The following RNF24 variants were observed in gnomAD, a reference collection of about 807,000 sequenced individuals.
RNF24 encodes the protein ring finger protein 24.
RNF24 carries 14 observed loss-of-function variants against 20.0 expected under a neutral mutation model. The ratio of observed to expected loss-of-function variants is 0.70; its 90% CI spans 0.46 to 1.10. The LOEUF (loss-of-function observed/expected upper bound fraction) is 1.10. RNF24 is among the 50% of genes least tolerant of loss of function. The pLI is 0.00. For missense variants in RNF24, 124 were observed against 177.6 expected (o/e 0.70, Z 1.71); for synonymous variants, 45 against 61.1 (o/e 0.74, Z 1.23).
chr20:4,008,856 A>ATAT (rs1262904292), intron 1 of RNF24, among the ~76,000 whole-genome samples: 4 of 152,068 alleles, frequency 2.6e-5, no homozygotes, highest in Admixed American at 1.3e-4. Context: ...AAGACTGCCA[A>ATAT]TATTAAGTCA....
intron 1 of RNF24, among the ~76,000 whole-genome samples, chr20:3,999,051 G>C (rs1981164066): frequency 6.6e-6 from 1 of 152,188 alleles, no homozygotes; most frequent in South Asian, 2.1e-4. Context: ...CTGCACTCAG[G>C]CCTGGGTGAC....
At chr20:3,945,357 A>G in intron 3 of RNF24, 139 bp from the exon 4 acceptor site, 1 of 863,250 alleles carries the variant, frequency 1.2e-6, no homozygotes, top group Non-Finnish European at 1.7e-6. Flanking sequence ...TTTCTTTTAC[A>G]GTTTGAGACA....
At chr20:3,999,349 A>G (rs1981185872) in intron 1 of RNF24, among the ~76,000 whole-genome samples, 4 of 152,204 alleles carry the variant, frequency 2.6e-5, no homozygotes. Flanking sequence ...TCTTTTCCAC[A>G]TTCTACACTA....
chr20:3,934,978 C>G lies in RNF24; in HGVS notation c.308+16G>C, dbSNP rs1177004508. On this transcript the variant is annotated intron_variant, in intron 5 of 5. Transcript: ENST00000358395. This position sits in a 1 kb window ranked among gnomAD's most constrained non-coding sequence, Gnocchi z 4.0. ...CAAACTCGGGTCCCATTAAGTAATT[C>G]CATACCAATACTTACTTTCTGTGGA... The G allele has an allele frequency of 1.9e-6, 3 of 1,608,624 alleles. No homozygotes were observed. Among genetic ancestry groups the G allele is most frequent in the Non-Finnish European group, 2.6e-6 (3 of 1,175,092 alleles).
chr20:3,981,139 C>T (rs1050092442), intron 1 of RNF24, among the ~76,000 whole-genome samples: 1 of 151,888 alleles, frequency 6.6e-6, no homozygotes, highest in East Asian at 1.9e-4. Flanking sequence ...TTATTTTTCT[C>T]AACGTAAATA....
intron 2 of RNF24, among the ~76,000 whole-genome samples, chr20:3,956,112 T>G (rs2091139432): frequency 6.6e-6 from 1 of 152,176 alleles, no homozygotes; most frequent in Non-Finnish European, 1.5e-5. Context: ...GTTAGATGCC[T>G]TCTATTTCTT....
rs1384709254 is a variant in RNF24 at position 3,933,351 on chromosome 20, A to G, written c.*712T>C. On this transcript the variant is annotated 3_prime_UTR_variant, in exon 6 of 6. Coordinates refer to ENST00000358395, the MANE Select transcript of RNF24 (RefSeq NM_001134337.3). The stretch of plus-strand genomic sequence containing the variant: ...GATCACTCAGGGACAGTGTGGACTC[A>G]GGGCCCACTCCCTGCTGGGGCTCTG... The G allele has an allele frequency of 1.5e-5, 6 of 397,060 alleles. No homozygotes were observed. Among genetic ancestry groups the G allele is most frequent in the Non-Finnish European group, 2.2e-5 (5 of 225,750 alleles). 24.6% of individuals were successfully genotyped at this position (397,060 alleles called of 1,614,324 possible).
At chr20:3,970,966 G>T (rs6076576) in intron 1 of RNF24, among the ~76,000 whole-genome samples, 17,946 of 152,148 alleles carry the variant, frequency 0.12, 1,307 homozygotes, top group South Asian at 0.24. Flanking sequence ...GTACATAAGT[G>T]TACAGATTTA....
rs6052233 is a variant in RNF24 at position 4,008,453 on chromosome 20, A to T, written c.-8+6984T>A. Reference sequence around the variant, plus strand: ...ATATATAATATGTATAATATATATAATATATAATATATAATATGTATAATA... The same window carrying T: ...ATATATAATATGTATAATATATATATTATATAATATATAATATGTATAATA... On this transcript the variant is annotated intron_variant, in intron 1 of 5. Transcript: ENST00000358395. Among the ~76,000 whole-genome samples the T allele has an allele frequency of 4.8e-3, 33 of 6,938 alleles. No individual in the cohort carries two copies. In the South Asian group the frequency reaches 0.12, roughly 25 times the overall value. The allele number at this position is 6,938 out of a possible 152,430, so 4.6% of individuals were successfully genotyped here.
intron 3 of RNF24, among the ~76,000 whole-genome samples, chr20:3,947,231 T>A (rs533220062): frequency 1.3e-5 from 2 of 152,314 alleles, no homozygotes; most frequent in African/African-American, 4.8e-5. Context: ...TCTGAAGTGT[T>A]ACAGTTCCAT....
chr20:3,941,654 A>C (rs1298666860), intron 4 of RNF24, among the ~76,000 whole-genome samples: 2 of 152,248 alleles, frequency 1.3e-5, no homozygotes, highest in African/African-American at 4.8e-5. Context: ...CAGCAATTGC[A>C]CTGAATGTAA....
chr20:3,970,936 C>A (rs1051106807), intron 1 of RNF24, among the ~76,000 whole-genome samples: 3 of 152,252 alleles, frequency 2.0e-5, no homozygotes, highest in South Asian at 4.1e-4. Flanking sequence ...ATCCCAGCTA[C>A]TCGGCAAGCT....
In RNF24 at chr20:3,962,928, C is replaced by T. The variant is rs141836470; in HGVS notation, c.143+947G>A. Among the ~76,000 whole-genome samples the T allele has an allele frequency of 2.8e-3, 426 of 151,864 alleles. 1 individual carries two copies. Among genetic ancestry groups the T allele is most frequent in the Non-Finnish European group, 4.9e-3 (333 of 67,954 alleles). On this transcript the variant is annotated intron_variant, in intron 2 of 5. Coordinates refer to ENST00000358395, the MANE Select transcript of RNF24 (RefSeq NM_001134337.3). ...GTTGGCCAGGCTGGTCTCGAACTCC[C>T]GACCTCAGGTAATCCGCCCACCTCA... is the stretch of plus-strand genomic sequence containing the variant.
At position 3,930,601 on chromosome 20, in the gene RNF24, A is replaced by G. The variant is rs1568604590; in HGVS notation, c.*3462T>C. ...GTGAGTGACAAGAGGTGATTCCATC[A>G]CTCTCTGCCTGGAGCTCTGGGTATA... On this transcript the variant is annotated 3_prime_UTR_variant, in exon 6 of 6. Transcript: ENST00000358395. The G allele has an allele frequency of 6.6e-6, 1 of 151,984 alleles. No homozygotes were observed. The highest frequency in any genetic ancestry group is 1.9e-4 in the East Asian group (1 of 5,190). The allele number at this position is 151,984 out of a possible 1,614,324, so 9.4% of individuals were successfully genotyped here. A position where few individuals can be genotyped will look rare whatever the true frequency, so the allele number is the denominator to read the frequency against.
chr20:3,986,227 T>G (rs1397754309), intron 1 of RNF24, among the ~76,000 whole-genome samples: 1 of 152,042 alleles, frequency 6.6e-6, no homozygotes, highest in Admixed American at 6.6e-5. Flanking sequence ...TTCCTTCCCT[T>G]TCCTCCTTCC....
chr20:3,998,060 T>C (rs1276739524), intron 1 of RNF24, among the ~76,000 whole-genome samples: 1 of 152,206 alleles, frequency 6.6e-6, no homozygotes, highest in African/African-American at 2.4e-5. Context: ...AAGTATCCTG[T>C]CCCCAACAGC....
rs923791099 is a variant in RNF24 at position 3,950,118 on chromosome 20, A to G, written c.144-1839T>C. On this transcript the variant is annotated intron_variant, in intron 2 of 5. Transcript: ENST00000358395. ...ATGTCGGTCTATTTCTAGAGCTGCT[A>G]TTATTCTGCTCCATTGGTCTATTTG... Among the ~76,000 whole-genome samples the G allele has an allele frequency of 3.9e-5, 6 of 151,974 alleles. No individual in the cohort carries two copies. The East Asian group carries it at 5.8e-4, about 15-fold the overall frequency.
At chr20:3,965,765 T>A (rs542876390) in intron 1 of RNF24, among the ~76,000 whole-genome samples, 1 of 152,254 alleles carries the variant, frequency 6.6e-6, no homozygotes, top group African/African-American at 2.4e-5. Context: ...AAGACTTAGA[T>A]GGCTGTCCTT....
chr20:3,935,171 G>T, intron 4 of RNF24, 98 bp from the exon 5 acceptor site: 1 of 792,424 alleles, frequency 1.3e-6, no homozygotes. Flanking sequence ...CGTTTGAAGG[G>T]ACTCATGAGA....
Sources: gnomAD v4.1 joint callset for allele counts (sites outside exome capture counted in the v4.1 genomes callset) on GRCh38, gnomAD v4.1.1 for gene constraint, Gnocchi (gnomAD v3.1) non-coding constraint, MANE v1.5 for transcripts, NCBI Gene and HGNC (gene_info 2026-07-23, HGNC 2026-07-21) for gene names.